Variants in CACNG6 observed in about 807,000 individuals in gnomAD.
CACNG6 encodes calcium voltage-gated channel auxiliary subunit gamma 6.
CACNG6 carries 21 observed loss-of-function variants against 23.9 expected under a neutral mutation model. The ratio of observed to expected loss-of-function variants is 0.88; its 90% confidence interval spans 0.62 to 1.26. The LOEUF (loss-of-function observed/expected upper bound fraction) is 1.26, where lower values mean the gene tolerates loss of function less well. CACNG6 is among the 50% of genes most tolerant of loss of function. The probability of loss-of-function intolerance (pLI) is 0.00; values close to 1 mark genes in which losing one functional copy is unlikely to be tolerated. For missense variants in CACNG6, 340 were observed against 352.9 expected, an observed-to-expected ratio of 0.96 and a Z score of 0.29; for synonymous variants, 182 against 168.9, an observed-to-expected ratio of 1.08 and a Z score of -0.60.
At chr19:54,001,444 C>T (rs997430147) in intron 3 of CACNG6, among the ~76,000 whole-genome samples, 13 of 152,188 alleles carry the variant, frequency 8.5e-5, no homozygotes, top group Admixed American at 6.5e-5. Context: ...CCACCTTGGC[C>T]TCCCAAAGTG....
intron 3 of CACNG6, among the ~76,000 whole-genome samples, chr19:54,002,280 T>TG (rs2069586103): frequency 1.5e-5 from 2 of 135,126 alleles, no homozygotes; most frequent in African/African-American, 6.8e-5. Flanking sequence ...TTTTTGTTTT[T>TG]TTTGTTTTTT....
chr19:53,993,208 G>A lies in CACNG6; in HGVS notation c.331G>A (p.Glu111Lys). 1 of 1,536,766 alleles carries A rather than the reference G, an allele frequency of 6.5e-7. No homozygotes were observed. Among genetic ancestry groups the A allele is most frequent in the Non-Finnish European group, 8.7e-7 (1 of 1,144,404 alleles). Residue 111 changes from glutamate to lysine, a missense_variant and splice_region_variant, in exon 1 of 4, where the codon GAA (glutamate) becomes AAA (lysine). Physicochemically the swap from Glu to Lys is moderately conservative, Grantham distance 56 (BLOSUM62 1). Coordinates refer to ENST00000252729, the MANE Select transcript of CACNG6 (RefSeq NM_145814.2). ...DTCGPAELPG[E>K]ANCTYFKFFT... ...CTGCGGCCCCGCGGAGCTGCCCGGA[G>A]GTGAGCAGCCGCCGCCCCGAGCGCA...
chr19:54,009,783 T>TAAA (rs34786973), intron 3 of CACNG6, among the ~76,000 whole-genome samples: 6,892 of 147,462 alleles, frequency 0.047, 224 homozygotes, highest in Middle Eastern at 0.13. Context: ...TTGCTTTTTT[T>TAAA]AAAAAAAAAA....
chr19:54,004,335 T>TGTGTGTGTGTG (rs1411422394), intron 3 of CACNG6, among the ~76,000 whole-genome samples: 2 of 107,270 alleles, frequency 1.9e-5, no homozygotes, highest in African/African-American at 7.9e-5. Flanking sequence ...TTTTGTATTT[T>TGTGTGTGTGTG]TGTGTGTGTG....
chr19:54,001,575 A>C (rs572210353), intron 3 of CACNG6, among the ~76,000 whole-genome samples: 1 of 152,330 alleles, frequency 6.6e-6, no homozygotes, highest in East Asian at 1.9e-4. Flanking sequence ...TAACGCCAGC[A>C]CCAAATTCCT....
At position 53,992,613 on chromosome 19, in the gene CACNG6, C is replaced by T; in HGVS notation, c.-265C>T. 1 of 306,710 alleles carries T rather than the reference C, an allele frequency of 3.3e-6. No homozygotes were observed. The highest frequency in any genetic ancestry group is 5.2e-5 in the East Asian group (1 of 19,386). The allele number at this position is 306,710 out of a possible 1,614,324, so 19.0% of individuals were successfully genotyped here. A position where few individuals can be genotyped will look rare whatever the true frequency, so the allele number is the denominator to read the frequency against. ...TTTCCTCTGGGCCCCGTCTTCTTTG[C>T]CAAGTTCTTGAGGGCAACCTAGACC... is the stretch of plus-strand genomic sequence containing the variant. On this transcript the variant is annotated 5_prime_UTR_variant, in exon 1 of 4. Transcript: ENST00000252729. This position sits in a 1 kb window ranked among gnomAD's most constrained non-coding sequence, Gnocchi z 4.1.
chr19:54,001,697 T>G (rs997021560), intron 3 of CACNG6, among the ~76,000 whole-genome samples: 13 of 152,114 alleles, frequency 8.5e-5, no homozygotes, highest in Non-Finnish European at 1.6e-4. Context: ...GATGTCAAAG[T>G]ATGGATAGAC....
chr19:54,010,051 T>G (rs2069689529), intron 3 of CACNG6, among the ~76,000 whole-genome samples: 1 of 148,794 alleles, frequency 6.7e-6, no homozygotes, highest in African/African-American at 2.5e-5. Flanking sequence ...TTTTTTTTTT[T>G]TTTTTGTTGC....
In CACNG6 at chr19:54,005,250, T is replaced by TAAATA. The variant is rs368321136; in HGVS notation, c.544+5481_544+5482insATAAA. Among the ~76,000 whole-genome samples, 117 of 94,022 alleles carry TAAATA rather than the reference T, an allele frequency of 1.2e-3. No homozygotes were observed. In the East Asian group the frequency reaches 0.015, roughly 12 times the overall value. 61.7% of individuals were successfully genotyped at this position (94,022 alleles called of 152,430 possible). Reference sequence around the variant, plus strand: ...ATAAATAAATAAATAAATAAATAAATAATAATAAAAGAAAGAGCACGTGAG... The same window carrying TAAATA: ...ATAAATAAATAAATAAATAAATAAATAAATAAATAATAAAAGAAAGAGCACGTGAG... On this transcript the variant is annotated intron_variant, in intron 3 of 3. Coordinates refer to ENST00000252729, the MANE Select transcript of CACNG6 (RefSeq NM_145814.2).
intron 1 of CACNG6, 62 bp from the exon 2 acceptor site, chr19:53,998,177 C>T: frequency 6.9e-7 from 1 of 1,454,518 alleles, no homozygotes; most frequent in African/African-American, 1.4e-5. Context: ...AACTGTCCAG[C>T]CCTGAGCTTA....
rs1235805731 is a variant in CACNG6, at chr19:53,993,193, G to A, written c.316G>A (p.Ala106Thr). The A allele has an allele frequency of 2.6e-6, 4 of 1,540,696 alleles. No individual in the cohort carries two copies. The East Asian group carries it at 7.3e-5, about 28-fold the overall frequency. ...CGTGGACAGGGACACCTGCGGCCCC[G>A]CGGAGCTGCCCGGAGGTGAGCAGCC... is the stretch of plus-strand genomic sequence containing the variant. ...VPVDRDTCGP[A>T]ELPGEANCTY... Residue 106 changes from alanine (A) to threonine (T), a missense_variant, in exon 1 of 4, where the codon GCG (alanine) becomes ACG (threonine). Ala to Thr is a moderately conservative substitution (Grantham distance 58, BLOSUM62 0). Coordinates refer to ENST00000252729, the MANE Select transcript of CACNG6 (RefSeq NM_145814.2).
intron 1 of CACNG6, among the ~76,000 whole-genome samples, chr19:53,998,004 G>A (rs2069537371): frequency 6.6e-6 from 1 of 152,148 alleles, no homozygotes; most frequent in Non-Finnish European, 1.5e-5. Flanking sequence ...AGAGGCTAAT[G>A]GCGCACTTGG....
chr19:53,995,598 G>A (rs182269232), intron 1 of CACNG6, among the ~76,000 whole-genome samples: 20 of 152,340 alleles, frequency 1.3e-4, no homozygotes, highest in Middle Eastern at 3.4e-3. Context: ...GATGTAGACC[G>A]TGTTTCCCGC....
Position 53,992,156 on chromosome 19 carries a change from C to T in CACNG6, c.-722C>T, listed in dbSNP as rs2069467522. ...GCCCAGTCCTCTTCTGAGCCCCAGC[C>T]AGGGCTCTGTTCTTCTCCTTCTGTG... On this transcript the variant is annotated 5_prime_UTR_variant, in exon 1 of 4. Coordinates refer to ENST00000252729, the MANE Select transcript of CACNG6 (RefSeq NM_145814.2). This position sits in a 1 kb window ranked among gnomAD's most constrained non-coding sequence, Gnocchi z 4.1. The T allele has an allele frequency of 6.6e-6, 1 of 152,372 alleles. No homozygotes were observed. Among genetic ancestry groups the T allele is most frequent in the Admixed American group, 6.5e-5 (1 of 15,280 alleles). The allele number at this position is 152,372 out of a possible 1,614,324, so 9.4% of individuals were successfully genotyped here.
intron 3 of CACNG6, among the ~76,000 whole-genome samples, chr19:54,005,956 G>A (rs1308909861): frequency 1.3e-5 from 2 of 151,300 alleles, no homozygotes; most frequent in African/African-American, 4.9e-5. Flanking sequence ...TGGGCGTGGC[G>A]GCGGGTGCCT....
chr19:54,008,914 T>C (rs2069675057), intron 3 of CACNG6, among the ~76,000 whole-genome samples: 1 of 152,230 alleles, frequency 6.6e-6, no homozygotes, highest in South Asian at 2.1e-4. Flanking sequence ...GAGATGTGCT[T>C]TGTTTGCCAG....
intron 3 of CACNG6, among the ~76,000 whole-genome samples, chr19:54,002,275 G>T (rs113446529): frequency 0.031 from 3,571 of 116,138 alleles, 278 homozygotes; most frequent in African/African-American, 0.14. Flanking sequence ...CGGTTTTTTT[G>T]TTTTTTTTGT....
At chr19:54,008,639 T>C (rs1448594100) in intron 3 of CACNG6, among the ~76,000 whole-genome samples, 1 of 152,228 alleles carries the variant, frequency 6.6e-6, no homozygotes, top group African/African-American at 2.4e-5. Context: ...TGCTGCGTCC[T>C]ACACAGGACC....
chr19:54,009,017 G>A (rs1202460250), intron 3 of CACNG6, among the ~76,000 whole-genome samples: 2 of 152,190 alleles, frequency 1.3e-5, no homozygotes, highest in Admixed American at 6.5e-5. Flanking sequence ...GGCCGGGTGC[G>A]GCAGTTCACC....
Sources: allele counts gnomAD v4.1 joint callset (sites outside exome capture counted in the v4.1 genomes callset), GRCh38; gene constraint gnomAD v4.1.1; non-coding constraint Gnocchi (gnomAD v3.1); transcripts MANE v1.5; gene names NCBI Gene and HGNC (gene_info 2026-07-23, HGNC 2026-07-21).